Variants in PHIP observed in about 807,000 individuals in gnomAD.
PHIP encodes the protein PH-interacting protein.
PHIP carries 54 observed loss-of-function variants against 236.8 expected under a neutral mutation model. The observed-to-expected ratio is 0.23, with a 90% CI of 0.18 to 0.29. The LOEUF is 0.29. Ranked by LOEUF, PHIP falls within the 10% of genes least tolerant of loss-of-function variation. The probability of loss-of-function intolerance (pLI) is 1.00; values close to 1 mark genes in which losing one functional copy is unlikely to be tolerated. For missense variants in PHIP, 1,370 were observed against 2,190.8 expected (o/e 0.63, Z 7.48); for synonymous variants, 756 against 718.9 (o/e 1.05, Z -0.83).
chr6:78,994,893 G>GT (rs1352019028), intron 19 of PHIP, among the ~76,000 whole-genome samples: 1 of 152,122 alleles, frequency 6.6e-6, no homozygotes, highest in Non-Finnish European at 1.5e-5. Context: ...TAGGTATGTA[G>GT]TTTTTTTCAG....
In PHIP at chr6:78,946,243, CT is replaced by C; in HGVS notation, c.4387del (p.Arg1463GlyfsTer3). On this transcript the variant is annotated frameshift_variant, in exon 38 of 40. Transcript: ENST00000275034. LOFTEE classifies it high-confidence loss of function. ...TGATTTTAGCTGGGGTTTTAAGATC[CT>C]TTTTTTCCTTTCAGGGCTGTAAATA... ...SAASSPERKK[R>X]ILKPQLKSES... 1.9e-6 allele frequency: 3 copies of C among 1,612,686 alleles called. No homozygotes were observed. The highest frequency in any genetic ancestry group is 1.7e-6 in the Non-Finnish European group (2 of 1,179,074).
At chr6:79,039,231 T>A (rs1772090949) in intron 7 of PHIP, among the ~76,000 whole-genome samples, 1 of 152,202 alleles carries the variant, frequency 6.6e-6, no homozygotes, top group Non-Finnish European at 1.5e-5. Flanking sequence ...AAAAGTATCT[T>A]GATTTTGTAC....
chr6:79,061,555 C>T (rs190431510), intron 4 of PHIP, among the ~76,000 whole-genome samples: 102 of 152,062 alleles, frequency 6.7e-4, no homozygotes, highest in African/African-American at 2.4e-3. Flanking sequence ...TAAAACAATG[C>T]CACGCTTCTC....
At chr6:78,966,083 C>T (rs1287905587) in intron 27 of PHIP, 27 bp from the exon 28 acceptor site, 1 of 1,368,952 alleles carries the variant, frequency 7.3e-7, no homozygotes, top group Non-Finnish European at 1.0e-6. Flanking sequence ...ACTAACTCAT[C>T]ATTCTGAAAT....
intron 4 of PHIP, among the ~76,000 whole-genome samples, chr6:79,073,658 T>C (rs1025692375): frequency 2.6e-5 from 4 of 152,078 alleles, no homozygotes; most frequent in African/African-American, 4.8e-5. Context: ...ACCTAAGATA[T>C]ATACTTAAAT....
At chr6:79,011,171 C>T (rs1258096466) in intron 15 of PHIP, among the ~76,000 whole-genome samples, 3 of 151,800 alleles carry the variant, frequency 2.0e-5, no homozygotes, top group Non-Finnish European at 2.9e-5. Flanking sequence ...TAAGTTATAC[C>T]CAACTATTAT....
At chr6:78,953,483 C>G (rs965392146) in intron 35 of PHIP, among the ~76,000 whole-genome samples, 15 of 152,082 alleles carry the variant, frequency 9.9e-5, no homozygotes, top group Non-Finnish European at 1.5e-4. Context: ...TTGCAAGAAC[C>G]AAAGCGAAAT....
chr6:79,038,281 G>GCT (rs1269038223), intron 7 of PHIP, among the ~76,000 whole-genome samples: 1 of 152,192 alleles, frequency 6.6e-6, no homozygotes, highest in African/African-American at 2.4e-5. Flanking sequence ...TCTGGTAAAG[G>GCT]CTCTCTTTGT....
At chr6:79,031,186 C>T (rs1334790381) in intron 7 of PHIP, among the ~76,000 whole-genome samples, 2 of 152,184 alleles carry the variant, frequency 1.3e-5, no homozygotes, top group Non-Finnish European at 2.9e-5. Flanking sequence ...TCAAGTGATC[C>T]ATCTGCCTCA....
At chr6:79,032,010 C>G (rs1028133305) in intron 7 of PHIP, among the ~76,000 whole-genome samples, 1 of 152,182 alleles carries the variant, frequency 6.6e-6, no homozygotes, top group Non-Finnish European at 1.5e-5. Flanking sequence ...TCCAACGAAG[C>G]AAACCACACA....
intron 23 of PHIP, among the ~76,000 whole-genome samples, chr6:78,979,220 G>A (rs1053982010): frequency 6.6e-6 from 1 of 152,010 alleles, no homozygotes; most frequent in Non-Finnish European, 1.5e-5. Context: ...TGGCAGCAGT[G>A]GCAACAGAGT....
At chr6:79,036,754 T>C (rs1275120470) in intron 7 of PHIP, among the ~76,000 whole-genome samples, 1 of 151,792 alleles carries the variant, frequency 6.6e-6, no homozygotes, top group Non-Finnish European at 1.5e-5. Context: ...ACCCTGTCTC[T>C]ACTAAAAATA....
chr6:79,057,677 G>C (rs1773141167), intron 6 of PHIP, among the ~76,000 whole-genome samples: 1 of 152,000 alleles, frequency 6.6e-6, no homozygotes, highest in South Asian at 2.1e-4. Flanking sequence ...ACCAAGGAAA[G>C]AGCAAAGAAA....
At chr6:78,941,853 G>C (rs967289816) in intron 39 of PHIP, among the ~76,000 whole-genome samples, 3 of 152,076 alleles carry the variant, frequency 2.0e-5, no homozygotes, top group Non-Finnish European at 4.4e-5. Context: ...AGATCCCACT[G>C]TAACAAACTC....
chr6:78,969,719 C>A, intron 27 of PHIP, 116 bp downstream of exon 27: 1 of 543,384 alleles, frequency 1.8e-6, no homozygotes, highest in Non-Finnish European at 3.2e-6. Context: ...AACATTCCTA[C>A]AAATAGCAAA....
chr6:78,947,822 C>T, intron 35 of PHIP, 47 bp from the exon 36 acceptor site: 1 of 1,359,464 alleles, frequency 7.4e-7, no homozygotes. Flanking sequence ...CTACACAAAG[C>T]ATCACTTCTC....
Position 78,997,560 on chromosome 6 carries a change from T to C in PHIP, c.2055A>G (p.Pro685=), listed in dbSNP as rs886201920. ...ISSTSEVHSP[P]NVGLRRSGQI... is the part of the protein sequence containing the mutation. The stretch of plus-strand genomic sequence containing the variant: ...GTCCACTACGTCTTAGTCCTACGTT[T>C]GGTGGTGAATGAACCTCTGAGGTAG... Residue 685 remains proline, a synonymous_variant, in exon 19 of 40, where the codon CCA becomes CCG. Transcript: ENST00000275034. The C allele has an allele frequency of 3.7e-6, 6 of 1,613,804 alleles. No individual in the cohort carries two copies. Among genetic ancestry groups the C allele is most frequent in the East Asian group, 4.5e-5 (2 of 44,874 alleles).
At chr6:79,039,425 C>T (rs1772101058) in intron 7 of PHIP, among the ~76,000 whole-genome samples, 1 of 145,660 alleles carries the variant, frequency 6.9e-6, no homozygotes. Flanking sequence ...TTACCATCTC[C>T]TACCACAAGG....
chr6:79,046,259 T>C (rs1488431304), intron 6 of PHIP, among the ~76,000 whole-genome samples: 4 of 152,176 alleles, frequency 2.6e-5, no homozygotes, highest in African/African-American at 7.2e-5. Flanking sequence ...ATATGGCTAA[T>C]TCCCTTATAC....
Sources: gnomAD v4.1 joint callset for allele counts (sites outside exome capture counted in the v4.1 genomes callset) on GRCh38, gnomAD v4.1.1 for gene constraint, MANE v1.5 for transcripts, NCBI Gene and HGNC (gene_info 2026-07-23, HGNC 2026-07-21) for gene names.